NCK2: variants seen among roughly 807,000 people sequenced by gnomAD.
NCK2 encodes the protein cytoplasmic protein NCK2.
A neutral mutation model predicts 33.9 loss-of-function variants in NCK2; 16 were observed. The ratio of observed to expected loss-of-function variants is 0.47; its 90% CI spans 0.32 to 0.72. The LOEUF is 0.72. Ranked by LOEUF, NCK2 falls within the 30% of genes least tolerant of loss-of-function variation. The pLI is 0.03. For missense variants in NCK2, 418 were observed against 537.3 expected (o/e 0.78, Z 2.19); for synonymous variants, 273 against 239.9 (o/e 1.14, Z -1.27).
intron 3 of NCK2, among the ~76,000 whole-genome samples, chr2:105,880,648 C>A (rs777728428): frequency 2.4e-4 from 37 of 152,260 alleles, no homozygotes; most frequent in Non-Finnish European, 4.3e-4. Context: ...CCCACCCATT[C>A]TAGGAATGAA....
At chr2:105,835,408 T>TATATATATATATAC (rs1553458610) in intron 2 of NCK2, among the ~76,000 whole-genome samples, 1 of 41,270 alleles carries the variant, frequency 2.4e-5, no homozygotes, top group Admixed American at 2.8e-4. Flanking sequence ...TATATATACG[T>TATATATATATATAC]GTATATATAT....
At chr2:105,892,907 A>C in intron 4 of NCK2, 75 bp from the exon 5 acceptor site, 1 of 1,279,240 alleles carries the variant, frequency 7.8e-7, no homozygotes, top group Non-Finnish European at 1.1e-6. Context: ...ATTTAGACGC[A>C]CAAGAGATGT....
At chr2:105,860,824 C>T (rs1384554550) in intron 3 of NCK2, among the ~76,000 whole-genome samples, 12 of 150,368 alleles carry the variant, frequency 8.0e-5, no homozygotes, top group Non-Finnish European at 7.4e-5. Flanking sequence ...GATTGCCTCT[C>T]ATGCTTGGAT....
At chr2:105,835,393 A>ATATATATATGTG in intron 2 of NCK2, among the ~76,000 whole-genome samples, 1 of 51,674 alleles carries the variant, frequency 1.9e-5, no homozygotes, top group Non-Finnish European at 3.7e-5. Context: ...ATACACATAT[A>ATATATATATGTG]TATATATATA....
intron 3 of NCK2, among the ~76,000 whole-genome samples, chr2:105,855,980 A>G (rs995473611): frequency 2.6e-5 from 4 of 152,078 alleles, no homozygotes; most frequent in Non-Finnish European, 2.9e-5. Flanking sequence ...GACTACAGGC[A>G]CCCACCACCA....
intron 3 of NCK2, among the ~76,000 whole-genome samples, chr2:105,876,544 C>T (rs1484150129): frequency 6.6e-6 from 1 of 152,200 alleles, no homozygotes; most frequent in African/African-American, 2.4e-5. Flanking sequence ...GGCTTCCAGT[C>T]TGCCATGTTC....
intron 1 of NCK2, among the ~76,000 whole-genome samples, chr2:105,777,037 T>C (rs553739990): frequency 2.6e-5 from 4 of 152,004 alleles, no homozygotes; most frequent in Admixed American, 1.3e-4. Flanking sequence ...AAGCTGCCGC[T>C]GTCCCTAGGT....
At chr2:105,768,783 C>A (rs1441096127) in intron 1 of NCK2, among the ~76,000 whole-genome samples, 1 of 152,120 alleles carries the variant, frequency 6.6e-6, no homozygotes, top group African/African-American at 2.4e-5. Context: ...AGATTGGACA[C>A]CCCTGTTTTA....
chr2:105,762,923 A>G (rs1689812684), intron 1 of NCK2, among the ~76,000 whole-genome samples: 1 of 152,214 alleles, frequency 6.6e-6, no homozygotes, highest in Non-Finnish European at 1.5e-5. Flanking sequence ...GGCCAGGCGC[A>G]GTGGCTCACG....
rs981994823 is a variant in NCK2 at position 105,765,833 on chromosome 2, A to G, written c.-201+20695A>G. 1.8e-4 allele frequency among the ~76,000 whole-genome samples: 26 copies of G among 145,076 alleles called. No individual in the cohort carries two copies. In the East Asian group the frequency reaches 3.4e-3, roughly 19 times the overall value. On this transcript the variant is annotated intron_variant, in intron 1 of 4. Transcript: ENST00000233154. Reference sequence around the variant, plus strand: ...TGTGTGTGTCTGTGTGTGTGTGTGTAAGTCTGTGGAGGTATGTGTGTTAGC... The same window carrying G: ...TGTGTGTGTCTGTGTGTGTGTGTGTGAGTCTGTGGAGGTATGTGTGTTAGC...
chr2:105,771,281 A>G (rs1690128332), intron 1 of NCK2, among the ~76,000 whole-genome samples: 2 of 151,490 alleles, frequency 1.3e-5, no homozygotes, highest in South Asian at 2.1e-4. Flanking sequence ...GTAAAAAAAC[A>G]TGAGGGCTGG....
intron 1 of NCK2, among the ~76,000 whole-genome samples, chr2:105,751,871 T>C (rs1689465599): frequency 6.6e-6 from 1 of 152,222 alleles, no homozygotes; most frequent in East Asian, 1.9e-4. Context: ...TGAAATACAA[T>C]GTGAACCACA....
chr2:105,769,505 A>G (rs377595425), intron 1 of NCK2, among the ~76,000 whole-genome samples: 92 of 152,360 alleles, frequency 6.0e-4, no homozygotes, highest in Middle Eastern at 6.8e-3. Context: ...ATGTAGCACA[A>G]AAATTGTGAC....
At chr2:105,760,571 A>G (rs1689736319) in intron 1 of NCK2, among the ~76,000 whole-genome samples, 1 of 152,096 alleles carries the variant, frequency 6.6e-6, no homozygotes, top group African/African-American at 2.4e-5. Context: ...CTTCTCCCAC[A>G]GTTTTGACCA....
intron 1 of NCK2, among the ~76,000 whole-genome samples, chr2:105,790,790 G>C (rs777259645): frequency 2.6e-5 from 4 of 152,232 alleles, no homozygotes; most frequent in Non-Finnish European, 4.4e-5. Context: ...CTCGCTGCCA[G>C]CTGATGCACA....
chr2:105,790,779 T>C (rs1690850335), intron 1 of NCK2, among the ~76,000 whole-genome samples: 1 of 152,182 alleles, frequency 6.6e-6, no homozygotes. Flanking sequence ...CAGGTGGGTC[T>C]CTCGCTGCCA....
At chr2:105,832,895 GT>G (rs1234453349) in intron 2 of NCK2, among the ~76,000 whole-genome samples, 1 of 142,322 alleles carries the variant, frequency 7.0e-6, no homozygotes, top group East Asian at 2.1e-4. Flanking sequence ...GTTTTGTTTT[GT>G]TTTTTGGAAT....
intron 1 of NCK2, among the ~76,000 whole-genome samples, chr2:105,809,738 T>C (rs973454086): frequency 6.6e-6 from 1 of 152,170 alleles, no homozygotes; most frequent in Non-Finnish European, 1.5e-5. Flanking sequence ...CACAGAATAA[T>C]GAGTACTGTC....
At chr2:105,753,055 G>T (rs908517445) in intron 1 of NCK2, among the ~76,000 whole-genome samples, 1 of 152,146 alleles carries the variant, frequency 6.6e-6, no homozygotes, top group African/African-American at 2.4e-5. Context: ...CATGTCTTAG[G>T]TTCCACAGCT....
Sources: gnomAD v4.1 joint callset for allele counts (sites outside exome capture counted in the v4.1 genomes callset) on GRCh38, gnomAD v4.1.1 for gene constraint, MANE v1.5 for transcripts, NCBI Gene and HGNC (gene_info 2026-07-23, HGNC 2026-07-21) for gene names.